The following STOX2 variants were observed in gnomAD, a reference collection of about 807,000 sequenced individuals.
STOX2 encodes storkhead box 2, also known as storkhead-box protein 2.
A neutral mutation model predicts 60.9 loss-of-function variants in STOX2; 28 were observed. The ratio of observed to expected loss-of-function variants is 0.46; its 90% CI spans 0.34 to 0.63. The LOEUF (loss-of-function observed/expected upper bound fraction) is 0.63. STOX2 is among the 30% of genes least tolerant of loss of function. The pLI is 0.01. For missense variants in STOX2, 1,024 were observed against 1,187.7 expected, an observed-to-expected ratio of 0.86 and a Z score of 2.03; for synonymous variants, 472 against 463.9, an observed-to-expected ratio of 1.02 and a Z score of -0.22.
At chr4:183,956,644 A>G (rs1043429883) in intron 1 of STOX2, among the ~76,000 whole-genome samples, 2 of 152,208 alleles carry the variant, frequency 1.3e-5, no homozygotes, top group African/African-American at 2.4e-5. Flanking sequence ...AAAGTTGATC[A>G]TTGATATGAT....
At chr4:183,881,326 C>A (rs1740954276) in intron 1 of STOX2, among the ~76,000 whole-genome samples, 1 of 151,218 alleles carries the variant, frequency 6.6e-6, no homozygotes, top group African/African-American at 2.5e-5. Flanking sequence ...CATGGTGAAA[C>A]CCCGTCACTA....
chr4:183,891,388 A>G (rs766740767), intron 1 of STOX2, among the ~76,000 whole-genome samples: 1 of 123,024 alleles, frequency 8.1e-6, no homozygotes, highest in Non-Finnish European at 1.7e-5. Flanking sequence ...ATATATATAT[A>G]TATATATATA....
intron 1 of STOX2, among the ~76,000 whole-genome samples, chr4:183,976,576 G>A (rs1732458081): frequency 6.6e-6 from 1 of 151,116 alleles, no homozygotes; most frequent in Non-Finnish European, 1.5e-5. Flanking sequence ...GGAGGGAGGA[G>A]GGCATGGATT....
At chr4:184,008,334 T>C (rs1733967665) in intron 2 of STOX2, among the ~76,000 whole-genome samples, 2 of 152,230 alleles carry the variant, frequency 1.3e-5, no homozygotes, top group South Asian at 4.1e-4. Flanking sequence ...AAAAACCCTT[T>C]GAAAACAATT....
intron 1 of STOX2, among the ~76,000 whole-genome samples, chr4:183,932,182 T>G (rs1249304393): frequency 6.6e-6 from 1 of 151,954 alleles, no homozygotes; most frequent in Non-Finnish European, 1.5e-5. Flanking sequence ...TGCCATTTGC[T>G]TGGATGGAAA....
intron 1 of STOX2, among the ~76,000 whole-genome samples, chr4:183,807,182 C>T (rs1229348411): frequency 6.6e-6 from 1 of 152,140 alleles, no homozygotes; most frequent in African/African-American, 2.4e-5. Flanking sequence ...CCGCGTTAGC[C>T]ATGATGGTCT....
At chr4:183,835,346 C>T (rs1163748554) in intron 1 of STOX2, among the ~76,000 whole-genome samples, 4 of 151,618 alleles carry the variant, frequency 2.6e-5, no homozygotes, top group African/African-American at 4.9e-5. Flanking sequence ...GCCTCAGCTT[C>T]CCGAGTAGCT....
chr4:183,823,320 C>T (rs968849557), intron 1 of STOX2, among the ~76,000 whole-genome samples: 5 of 152,090 alleles, frequency 3.3e-5, no homozygotes, highest in African/African-American at 7.2e-5. Context: ...CACTTGAACC[C>T]GGGAGGCAGA....
chr4:183,860,437 AAAAAC>A (rs1301746723), intron 1 of STOX2, among the ~76,000 whole-genome samples: 1 of 101,952 alleles, frequency 9.8e-6, no homozygotes, highest in East Asian at 3.5e-4. Context: ...ACAAAAAACA[AAAAAC>A]AAAAAAAAAA....
chr4:184,011,381 A>G lies in STOX2; in HGVS notation c.2543A>G (p.Asp848Gly), dbSNP rs951800824. The G allele has an allele frequency of 6.2e-7, 1 of 1,613,604 alleles. No homozygotes were observed. Among genetic ancestry groups the G allele is most frequent in the Non-Finnish European group, 8.5e-7 (1 of 1,179,696 alleles). ...CATTCAGCCCGGCTCGACAGCATGG[A>G]CAGCAGCAGCATCACAGTGGACAGT... is the stretch of plus-strand genomic sequence containing the variant. ...ATHSARLDSM[D>G]SSSITVDSGF... The change falls in exon 3 of 4, where the codon GAC becomes GGC. Residue 848 changes from aspartate (D) to glycine (G), a missense_variant. Around this residue, in one of 3 missense-constraint regions of STOX2, gnomAD observed 922 missense variants for 1,058.3 expected, o/e 0.87. Transcript: ENST00000308497. This position sits in a 1 kb window ranked among gnomAD's most constrained non-coding sequence, Gnocchi z 4.4.
chr4:183,917,270 C>A (rs565701481), intron 1 of STOX2, among the ~76,000 whole-genome samples: 1 of 152,144 alleles, frequency 6.6e-6, no homozygotes, highest in African/African-American at 2.4e-5. Flanking sequence ...TGTGGTGGAT[C>A]GGTAATCGTG....
chr4:183,926,273 T>A (rs1321135834), intron 1 of STOX2, among the ~76,000 whole-genome samples: 1 of 152,094 alleles, frequency 6.6e-6, no homozygotes, highest in East Asian at 1.9e-4. Flanking sequence ...ATAAAAAATA[T>A]AAAGCATTCA....
At chr4:183,930,228 C>T (rs1414912290) in intron 1 of STOX2, among the ~76,000 whole-genome samples, 1 of 150,448 alleles carries the variant, frequency 6.6e-6, no homozygotes, top group Non-Finnish European at 1.5e-5. Flanking sequence ...TGCACTGGTA[C>T]AGTCATAGCT....
At chr4:183,968,266 T>C (rs1173593749) in intron 1 of STOX2, among the ~76,000 whole-genome samples, 1 of 151,548 alleles carries the variant, frequency 6.6e-6, no homozygotes, top group Non-Finnish European at 1.5e-5. Context: ...CAAGTGCTTT[T>C]TAAAAAAATC....
At chr4:183,846,084 C>A (rs905312022) in intron 1 of STOX2, among the ~76,000 whole-genome samples, 5 of 152,104 alleles carry the variant, frequency 3.3e-5, no homozygotes, top group Admixed American at 2.0e-4. Flanking sequence ...ATATAAAATT[C>A]TTAATGGACA....
chr4:183,820,506 G>A (rs1739281981), intron 1 of STOX2, among the ~76,000 whole-genome samples: 2 of 152,158 alleles, frequency 1.3e-5, no homozygotes, highest in African/African-American at 4.8e-5. Context: ...CAGACAAGTG[G>A]CTCTCCTATT....
intron 1 of STOX2, among the ~76,000 whole-genome samples, chr4:183,804,035 A>G (rs1254684959): frequency 6.6e-6 from 1 of 152,218 alleles, no homozygotes; most frequent in Non-Finnish European, 1.5e-5. Flanking sequence ...AAAATTAAGC[A>G]CTTGATAGAA....
chr4:183,955,425 A>T (rs138626346), intron 1 of STOX2, among the ~76,000 whole-genome samples: 150 of 152,340 alleles, frequency 9.8e-4, no homozygotes, highest in African/African-American at 3.2e-3. Context: ...GAAGTGCCAG[A>T]TTCCCACCAG....
intron 1 of STOX2, among the ~76,000 whole-genome samples, chr4:183,824,686 T>C (rs1400538694): frequency 6.6e-6 from 1 of 152,238 alleles, no homozygotes; most frequent in Admixed American, 6.5e-5. Flanking sequence ...AAAATGTGCA[T>C]TTTGTAAAAA....
Sources: gnomAD v4.1 joint callset for allele counts (sites outside exome capture counted in the v4.1 genomes callset) on GRCh38, gnomAD v4.1.1 for gene constraint, gnomAD v4.1.1 regional missense constraint, Gnocchi (gnomAD v3.1) non-coding constraint, MANE v1.5 for transcripts, NCBI Gene and HGNC (gene_info 2026-07-23, HGNC 2026-07-21) for gene names.